Variants in C3orf49 observed in about 807,000 individuals in gnomAD.
The protein encoded by C3orf49 is putative uncharacterized protein C3orf49.
A neutral mutation model predicts 13.3 loss-of-function variants in C3orf49; 27 were observed. The observed-to-expected ratio is 2.02, with a 90% CI of 1.49 to 2.79. The LOEUF is 2.79. Ranked by LOEUF, C3orf49 falls within the 30% of genes most tolerant of loss-of-function variation. The pLI is 0.00. For missense variants in C3orf49, 242 were observed against 134.2 expected (o/e 1.80, Z -3.97); for synonymous variants, 87 against 47.6 (o/e 1.83, Z -3.40).
In C3orf49 at chr3:63,831,188, A is replaced by C. The variant is rs1201072959; in HGVS notation, c.649A>C (p.Lys217Gln). 1 of 702,978 alleles carries C rather than the reference A, an allele frequency of 1.4e-6. No homozygotes were observed. The highest frequency in any genetic ancestry group is 2.6e-6 in the Non-Finnish European group (1 of 384,992). 43.5% of individuals were successfully genotyped at this position (702,978 alleles called of 1,614,324 possible). ...GCGTGGCATGGAAAACATCCTTCGA[A>C]AATCAGATTTGACAGTAGGAAAGCT... ...KKRGMENILR[K>Q]SDLTVGKLQM... Residue 217 changes from lysine to glutamine, a missense_variant, in exon 4 of 7, where the codon AAA becomes CAA. Physicochemically the swap from Lys to Gln is moderately conservative, Grantham distance 53. Coordinates refer to ENST00000295896, the MANE Select transcript of C3orf49 (RefSeq NM_001355236.2).
At chr3:63,815,955 T>A (rs536738697), upstream of C3orf49, among the ~76,000 whole-genome samples, 264 of 151,696 alleles carry the variant, frequency 1.7e-3, 2 homozygotes, top group South Asian at 5.2e-3. Context: ...CCAGCTAATT[T>A]TTCTATTTTT....
chr3:63,840,716 C>T (rs1011918754), intron 5 of C3orf49, among the ~76,000 whole-genome samples: 2 of 152,138 alleles, frequency 1.3e-5, no homozygotes, highest in Admixed American at 6.5e-5. Context: ...GATGCTGGAT[C>T]GTAACAAGAG....
chr3:63,833,233 A>C (rs1701557620), intron 5 of C3orf49, among the ~76,000 whole-genome samples: 1 of 151,756 alleles, frequency 6.6e-6, no homozygotes, highest in South Asian at 2.1e-4. Context: ...AGTAGCTGGG[A>C]TTATAGGCAT....
upstream of C3orf49, among the ~76,000 whole-genome samples, chr3:63,818,046 A>G (rs567667807): frequency 1.1e-4 from 17 of 152,304 alleles, no homozygotes; most frequent in African/African-American, 3.6e-4. Context: ...AGGGAGGAGC[A>G]TATGTCCATT....
intron 5 of C3orf49, among the ~76,000 whole-genome samples, chr3:63,840,243 T>C (rs900416042): frequency 6.6e-6 from 1 of 151,728 alleles, no homozygotes; most frequent in Non-Finnish European, 1.5e-5. Flanking sequence ...ACAAAAGGAA[T>C]AGACAGGAAA....
the C3orf49 span, among the ~76,000 whole-genome samples, chr3:63,811,575 C>CAAAAAAAAAAA: frequency 7.5e-6 from 1 of 133,830 alleles, no homozygotes; most frequent in Non-Finnish European, 1.7e-5. Flanking sequence ...AAAAACAAAA[C>CAAAAAAAAAAA]AAAAAAAAAA....
chr3:63,806,645 A>C, the C3orf49 span, among the ~76,000 whole-genome samples: 1 of 152,134 alleles, frequency 6.6e-6, no homozygotes, highest in Non-Finnish European at 1.5e-5. Context: ...CGTTGCAATT[A>C]TCCCGAACTT....
chr3:63,798,769 G>A, the C3orf49 span, among the ~76,000 whole-genome samples: 2 of 152,094 alleles, frequency 1.3e-5, no homozygotes, highest in Admixed American at 6.6e-5. Flanking sequence ...CTATGTCACC[G>A]CTGAAATGTC....
chr3:63,782,398 G>C, the C3orf49 span: 1 of 152,060 alleles, frequency 6.6e-6, no homozygotes, highest in Non-Finnish European at 1.5e-5. Flanking sequence ...CAATTTTCAA[G>C]GTCAAACTAA....
At chr3:63,835,576 A>G (rs1701615203) in intron 5 of C3orf49, among the ~76,000 whole-genome samples, 1 of 151,578 alleles carries the variant, frequency 6.6e-6, no homozygotes. Flanking sequence ...CTAAATATGG[A>G]CTCACTTTCA....
the C3orf49 span, among the ~76,000 whole-genome samples, chr3:63,796,084 T>A: frequency 6.6e-6 from 1 of 152,156 alleles, no homozygotes; most frequent in Non-Finnish European, 1.5e-5. Context: ...TAGTGGTGGG[T>A]ATATGGGTGT....
upstream of C3orf49, among the ~76,000 whole-genome samples, chr3:63,815,698 G>C (rs1426084941): frequency 6.6e-6 from 1 of 151,808 alleles, no homozygotes; most frequent in Non-Finnish European, 1.5e-5. Flanking sequence ...TTTTGGAGGA[G>C]TGCCCACTCC....
At position 63,831,219 on chromosome 3, in the gene C3orf49, T is replaced by C. The variant is rs963203975; in HGVS notation, c.680T>C (p.Met227Thr). 1.3e-5 allele frequency: 9 copies of C among 702,116 alleles called. No individual in the cohort carries two copies. Among genetic ancestry groups the C allele is most frequent in the Non-Finnish European group, 2.3e-5 (9 of 384,846 alleles). 43.5% of individuals were successfully genotyped at this position (702,116 alleles called of 1,614,324 possible). ...GATTTGACAGTAGGAAAGCTTCAAA[T>C]GCAGGTAGTGGACAAAGGCTTTTAA... is the stretch of plus-strand genomic sequence containing the variant. ...KSDLTVGKLQ[M>T]QVDDLIETVT... Residue 227 changes from methionine (M) to threonine (T), a missense_variant, in exon 4 of 7, where the codon ATG becomes ACG. Physicochemically the swap from Met to Thr is moderately conservative, Grantham distance 81. Coordinates refer to ENST00000295896, the MANE Select transcript of C3orf49 (RefSeq NM_001355236.2).
At chr3:63,793,714 A>G in the C3orf49 span, among the ~76,000 whole-genome samples, 453 of 152,272 alleles carry the variant, frequency 3.0e-3, 2 homozygotes, top group Non-Finnish European at 3.6e-3. Flanking sequence ...TTGCTCCGTC[A>G]CACTAGGCAG....
upstream of C3orf49, among the ~76,000 whole-genome samples, chr3:63,817,928 AT>A (rs1308012255): frequency 1.3e-5 from 2 of 152,218 alleles, no homozygotes; most frequent in African/African-American, 4.8e-5. Context: ...CAATAATTGC[AT>A]GAAAAATATT....
intron 3 of C3orf49, among the ~76,000 whole-genome samples, chr3:63,830,248 G>A (rs1701515260): frequency 6.6e-6 from 1 of 152,154 alleles, no homozygotes; most frequent in African/African-American, 2.4e-5. Context: ...TGACTGCCAA[G>A]TATGCTAGTA....
chr3:63,837,929 T>C (rs1455622299), intron 5 of C3orf49: 13 of 1,517,818 alleles, frequency 8.6e-6, no homozygotes, highest in South Asian at 3.6e-5. Flanking sequence ...ATGAAAACTG[T>C]AGTCAGTAAT....
the C3orf49 span, among the ~76,000 whole-genome samples, chr3:63,813,404 G>A: frequency 6.6e-6 from 1 of 152,114 alleles, no homozygotes; most frequent in Non-Finnish European, 1.5e-5. Flanking sequence ...TTCCAGTGGG[G>A]TACAGCCCAG....
upstream of C3orf49, among the ~76,000 whole-genome samples, chr3:63,818,736 T>C (rs1249619808): frequency 6.6e-6 from 1 of 152,210 alleles, no homozygotes; most frequent in Non-Finnish European, 1.5e-5. Flanking sequence ...TGCCACCTTG[T>C]GGTGAGAAGT....
Sources: gnomAD v4.1 joint callset for allele counts (sites outside exome capture counted in the v4.1 genomes callset) on GRCh38, gnomAD v4.1.1 for gene constraint, MANE v1.5 for transcripts, NCBI Gene and HGNC (gene_info 2026-07-23, HGNC 2026-07-21) for gene names.